Variants in ANO2 observed in about 807,000 individuals in gnomAD.
ANO2 encodes the protein anoctamin 2.
ANO2 carries 101 observed loss-of-function variants against 124.2 expected under a neutral mutation model. That is an observed-to-expected ratio of 0.81 (90% confidence interval 0.69 to 0.96). The LOEUF is 0.96. Ranked by LOEUF, ANO2 falls within the 40% of genes least tolerant of loss-of-function variation. The pLI is 0.00. For synonymous variants in ANO2, 486 were observed against 482.5 expected (o/e 1.01, Z -0.09); for missense variants, 1,293 against 1,274.5 (o/e 1.01, Z -0.22).
chr12:5,866,336 G>C (rs1467473715), intron 3 of ANO2, among the ~76,000 whole-genome samples: 1 of 152,200 alleles, frequency 6.6e-6, no homozygotes. Flanking sequence ...CAGAAAGATA[G>C]AGAAATTGGT....
At chr12:5,708,061 T>G (rs1949680146) in intron 14 of ANO2, among the ~76,000 whole-genome samples, 1 of 152,206 alleles carries the variant, frequency 6.6e-6, no homozygotes, top group Non-Finnish European at 1.5e-5. Flanking sequence ...CCAGGCTGCT[T>G]CTTTTCCAGT....
At chr12:5,625,483 T>C (rs1333180963) in intron 16 of ANO2, among the ~76,000 whole-genome samples, 1 of 152,032 alleles carries the variant, frequency 6.6e-6, no homozygotes, top group Non-Finnish European at 1.5e-5. Flanking sequence ...TGGTGCCATC[T>C]CCTGAGATGG....
intron 3 of ANO2, among the ~76,000 whole-genome samples, chr12:5,880,489 A>G (rs1434337637): frequency 6.6e-6 from 1 of 152,078 alleles, no homozygotes; most frequent in Non-Finnish European, 1.5e-5. Flanking sequence ...AATGACAGAT[A>G]AGGAAGAAAG....
intron 1 of ANO2, among the ~76,000 whole-genome samples, chr12:5,935,780 AG>A (rs1942623086): frequency 6.6e-6 from 1 of 152,208 alleles, no homozygotes; most frequent in South Asian, 2.1e-4. Flanking sequence ...TCACCCAAGA[AG>A]GTTAAAATAT....
chr12:5,668,270 T>TGA (rs1947833794), intron 14 of ANO2, among the ~76,000 whole-genome samples: 8 of 152,234 alleles, frequency 5.3e-5, no homozygotes, highest in African/African-American at 1.9e-4. Flanking sequence ...TAGCATCTCA[T>TGA]TGTGGTTTTT....
At chr12:5,776,949 C>G (rs1285111753) in intron 10 of ANO2, among the ~76,000 whole-genome samples, 1 of 152,174 alleles carries the variant, frequency 6.6e-6, no homozygotes, top group Non-Finnish European at 1.5e-5. Context: ...TTGACAGGCT[C>G]CAAAGAACTC....
chr12:5,696,356 AC>A (rs1250890577), intron 14 of ANO2, among the ~76,000 whole-genome samples: 1 of 152,246 alleles, frequency 6.6e-6, no homozygotes, highest in Non-Finnish European at 1.5e-5. Flanking sequence ...TCTTCAAAAG[AC>A]AATTCTATGA....
intron 4 of ANO2, among the ~76,000 whole-genome samples, chr12:5,852,684 G>T (rs148338826): frequency 6.6e-6 from 1 of 151,932 alleles, no homozygotes; most frequent in African/African-American, 2.4e-5. Flanking sequence ...ACTGAGAGTC[G>T]GCATGGTAAC....
intron 10 of ANO2, among the ~76,000 whole-genome samples, chr12:5,788,513 G>A (rs1952603136): frequency 1.3e-5 from 2 of 152,164 alleles, no homozygotes; most frequent in African/African-American, 2.4e-5. Flanking sequence ...GAAGGTGCTC[G>A]ATGAATAGAC....
intron 16 of ANO2, among the ~76,000 whole-genome samples, chr12:5,631,814 G>A (rs375290934): frequency 2.0e-4 from 31 of 152,240 alleles, no homozygotes; most frequent in African/African-American, 7.5e-4. Flanking sequence ...GAGCACAGTG[G>A]GAAGAAAGTA....
At chr12:5,775,527 T>A (rs1952210324) in intron 10 of ANO2, among the ~76,000 whole-genome samples, 1 of 149,968 alleles carries the variant, frequency 6.7e-6, no homozygotes, top group Non-Finnish European at 1.5e-5. Flanking sequence ...AGTGGCGCGA[T>A]CTTGGCTCAC....
chr12:5,741,403 T>G (rs1310498311), intron 12 of ANO2, among the ~76,000 whole-genome samples: 1 of 152,208 alleles, frequency 6.6e-6, no homozygotes, highest in East Asian at 1.9e-4. Context: ...CTCCCTTGGA[T>G]TTGAGGCCTT....
intron 19 of ANO2, among the ~76,000 whole-genome samples, chr12:5,608,045 G>A (rs191549854): frequency 6.6e-6 from 1 of 152,158 alleles, no homozygotes; most frequent in African/African-American, 2.4e-5. Flanking sequence ...AAAGACTGGG[G>A]ACCACTGTGT....
rs57000935 is a variant in ANO2 at position 5,925,040 on chromosome 12, C to A, written c.23-2236G>T. ...CTTGTGCCTTCCTGCATGCCTGCCC[C>A]ACAAGTGCCTGAGAACAGAACTTGG... On this transcript the variant is annotated intron_variant, in intron 1 of 24. Coordinates refer to ENST00000682330, the MANE Select transcript of ANO2 (RefSeq NM_001364791.2). This position sits in a 1 kb window ranked among gnomAD's most constrained non-coding sequence, Gnocchi z 4.6. Among the ~76,000 whole-genome samples the A allele has an allele frequency of 0.026, 3,980 of 152,250 alleles. 116 individuals are homozygous for A. The highest frequency in any genetic ancestry group is 0.077 in the African/African-American group (3,192 of 41,520).
chr12:5,755,825 C>T (rs1951565644), intron 10 of ANO2, among the ~76,000 whole-genome samples: 1 of 152,180 alleles, frequency 6.6e-6, no homozygotes, highest in Non-Finnish European at 1.5e-5. Context: ...TAAGGTGACT[C>T]AGTGTTAACC....
intron 20 of ANO2, among the ~76,000 whole-genome samples, chr12:5,584,654 T>C (rs1465343324): frequency 2.0e-5 from 3 of 152,160 alleles, no homozygotes; most frequent in African/African-American, 7.2e-5. Context: ...TGCCCAGGGA[T>C]CCCCTTTTCC....
intron 14 of ANO2, among the ~76,000 whole-genome samples, chr12:5,705,239 T>C (rs892429508): frequency 3.3e-5 from 5 of 151,278 alleles, no homozygotes; most frequent in Non-Finnish European, 7.4e-5. Flanking sequence ...ACAAACCTAA[T>C]AGAGAGCAAA....
chr12:5,792,389 A>G (rs1952723997), intron 10 of ANO2, among the ~76,000 whole-genome samples: 1 of 152,152 alleles, frequency 6.6e-6, no homozygotes, highest in African/African-American at 2.4e-5. Context: ...CGCCTCTCCA[A>G]ATCCTTGATC....
chr12:5,585,808 T>C lies in ANO2; in HGVS notation c.2234-7290A>G, dbSNP rs182122506. ...AATGAAGTTCCCAAGCAACAAATCATTACTGAGGACCTTTCTTTGCTTTAT... is the reference window on the plus strand; with the variant it reads ...AATGAAGTTCCCAAGCAACAAATCACTACTGAGGACCTTTCTTTGCTTTAT... On this transcript the variant is annotated intron_variant, in intron 20 of 24. Transcript: ENST00000682330. 6.0e-4 allele frequency among the ~76,000 whole-genome samples: 91 copies of C among 152,272 alleles called. 3 individuals carry two copies. Among genetic ancestry groups the C allele is most frequent in the Admixed American group, 4.2e-3 (64 of 15,290 alleles).
Sources: allele counts gnomAD v4.1 joint callset (sites outside exome capture counted in the v4.1 genomes callset), GRCh38; gene constraint gnomAD v4.1.1; non-coding constraint Gnocchi (gnomAD v3.1); transcripts MANE v1.5; gene names NCBI Gene and HGNC (gene_info 2026-07-23, HGNC 2026-07-21).